The following GNA14 variants were observed in gnomAD, a reference collection of about 807,000 sequenced individuals.
GNA14 encodes the protein G protein subunit alpha 14.
In GNA14, 50 loss-of-function variants were observed where a neutral mutation model predicts 42.0. The observed-to-expected ratio is 1.19, with a 90% confidence interval of 0.95 to 1.51. GNA14 has a LOEUF of 1.51. Among genes scored for constraint, GNA14 ranks in the 40% most tolerant of loss-of-function variants. The pLI is 0.00. For missense variants in GNA14, 473 were observed against 446.2 expected (o/e 1.06, Z -0.54); for synonymous variants, 173 against 163.1 (o/e 1.06, Z -0.46).
chr9:77,434,743 A>G (rs1835615651), intron 2 of GNA14, among the ~76,000 whole-genome samples: 1 of 152,194 alleles, frequency 6.6e-6, no homozygotes. Context: ...GAGAGCCACC[A>G]GCAGCCCAAG....
At chr9:77,447,896 T>C (rs1046618525) in intron 2 of GNA14, among the ~76,000 whole-genome samples, 12 of 152,292 alleles carry the variant, frequency 7.9e-5, no homozygotes, top group South Asian at 2.1e-4. Context: ...GGTTTTCCCA[T>C]GTGTTCAGGT....
chr9:77,510,058 A>G (rs941595316), intron 2 of GNA14, among the ~76,000 whole-genome samples: 1 of 152,198 alleles, frequency 6.6e-6, no homozygotes, highest in Admixed American at 6.5e-5. Flanking sequence ...CATCAAAATA[A>G]TTTTTAGAGC....
intron 2 of GNA14, among the ~76,000 whole-genome samples, chr9:77,435,158 A>G (rs1835623536): frequency 1.3e-5 from 2 of 152,060 alleles, no homozygotes; most frequent in Middle Eastern, 6.8e-3. Flanking sequence ...AAAGTTCAAG[A>G]CCAGCCTGGC....
At chr9:77,540,298 ATTGATCCC>A (rs1837643414) in intron 1 of GNA14, among the ~76,000 whole-genome samples, 1 of 152,088 alleles carries the variant, frequency 6.6e-6, no homozygotes, top group Non-Finnish European at 1.5e-5. Context: ...TCCTCTTGGT[ATTGATCCC>A]TAGTTTTATT....
intron 2 of GNA14, among the ~76,000 whole-genome samples, chr9:77,503,253 T>C (rs759391386): frequency 1.3e-5 from 2 of 152,198 alleles, no homozygotes; most frequent in African/African-American, 2.4e-5. Context: ...ACACCAGTCC[T>C]CATGGGTGAT....
chr9:77,492,482 TAAC>T (rs1836791264), intron 2 of GNA14, among the ~76,000 whole-genome samples: 1 of 151,932 alleles, frequency 6.6e-6, no homozygotes, highest in Non-Finnish European at 1.5e-5. Context: ...AAAGGAGACG[TAAC>T]AACTGACATC....
intron 2 of GNA14, among the ~76,000 whole-genome samples, chr9:77,524,758 G>T (rs1837408164): frequency 6.6e-6 from 1 of 152,056 alleles, no homozygotes; most frequent in South Asian, 2.1e-4. Context: ...ACAGGAAAAT[G>T]ATAGAGAAGA....
At chr9:77,606,899 C>T (rs1490572845) in intron 1 of GNA14, among the ~76,000 whole-genome samples, 2 of 152,086 alleles carry the variant, frequency 1.3e-5, no homozygotes, top group Admixed American at 6.5e-5. Flanking sequence ...TGGGATTTAT[C>T]TTATTATAAG....
chr9:77,618,991 A>C (rs1203630026), intron 1 of GNA14, among the ~76,000 whole-genome samples: 1 of 151,860 alleles, frequency 6.6e-6, no homozygotes, highest in East Asian at 1.9e-4. Flanking sequence ...TACATATTTC[A>C]TTTTACTTTA....
chr9:77,581,766 T>C (rs981285044), intron 1 of GNA14, among the ~76,000 whole-genome samples: 2 of 152,196 alleles, frequency 1.3e-5, no homozygotes, highest in Admixed American at 6.5e-5. Context: ...GAAACAATCA[T>C]CCAGTCCACA....
Position 77,443,086 on chromosome 9 carries a change from G to A in GNA14, c.310-8564C>T, listed in dbSNP as rs116607334. 6.5e-3 allele frequency among the ~76,000 whole-genome samples: 982 copies of A among 152,212 alleles called. 13 individuals carry two copies. Among genetic ancestry groups the A allele is most frequent in the African/African-American group, 0.022 (913 of 41,544 alleles). ...TTTCACAGATGGAAGTGGAGAAATG[G>A]ACAAATCTTCACCATATAGAGATTT... On this transcript the variant is annotated intron_variant, in intron 2 of 6. Coordinates refer to ENST00000341700, the MANE Select transcript of GNA14 (RefSeq NM_004297.4).
At chr9:77,628,333 A>G (rs1187039816) in intron 1 of GNA14, among the ~76,000 whole-genome samples, 2 of 152,228 alleles carry the variant, frequency 1.3e-5, no homozygotes, top group East Asian at 1.9e-4. Context: ...TATAGATTCA[A>G]TGCTATCCCC....
chr9:77,543,564 A>G (rs922216630), intron 1 of GNA14, among the ~76,000 whole-genome samples: 2 of 152,192 alleles, frequency 1.3e-5, no homozygotes, highest in African/African-American at 4.8e-5. Context: ...GTAGCTCTCT[A>G]TGAGAGTCTC....
At chr9:77,577,429 T>A (rs1001998102) in intron 1 of GNA14, among the ~76,000 whole-genome samples, 1 of 152,190 alleles carries the variant, frequency 6.6e-6, no homozygotes, top group African/African-American at 2.4e-5. Flanking sequence ...TCCATCTATA[T>A]CGATATTTAA....
chr9:77,511,684 T>C (rs1351584016), intron 2 of GNA14, among the ~76,000 whole-genome samples: 1 of 152,120 alleles, frequency 6.6e-6, no homozygotes, highest in African/African-American at 2.4e-5. Context: ...ACCAGAGGCC[T>C]GTCTTCTGGC....
At chr9:77,639,287 T>C (rs1264860548) in intron 1 of GNA14, among the ~76,000 whole-genome samples, 7 of 152,224 alleles carry the variant, frequency 4.6e-5, no homozygotes, top group African/African-American at 1.7e-4. Flanking sequence ...TAAATAGCAC[T>C]GACTATGTGC....
chr9:77,594,503 T>C (rs1417185651), intron 1 of GNA14, among the ~76,000 whole-genome samples: 1 of 152,128 alleles, frequency 6.6e-6, no homozygotes, highest in Non-Finnish European at 1.5e-5. Flanking sequence ...AAGTGTCAAG[T>C]ATTTACAGGT....
At chr9:77,599,034 A>G (rs1486079370) in intron 1 of GNA14, among the ~76,000 whole-genome samples, 1 of 152,262 alleles carries the variant, frequency 6.6e-6, no homozygotes, top group Admixed American at 6.5e-5. Flanking sequence ...GTAAATATTT[A>G]TTAAGCAATG....
intron 1 of GNA14, among the ~76,000 whole-genome samples, chr9:77,533,284 A>G (rs954690108): frequency 6.6e-6 from 1 of 152,120 alleles, no homozygotes; most frequent in Admixed American, 6.5e-5. Flanking sequence ...GGTTCAAGCA[A>G]TTCTCGTGCC....
Sources: allele counts gnomAD v4.1 joint callset (sites outside exome capture counted in the v4.1 genomes callset), GRCh38; gene constraint gnomAD v4.1.1; transcripts MANE v1.5; gene names NCBI Gene and HGNC (gene_info 2026-07-23, HGNC 2026-07-21).